PRKRA: variants seen among roughly 807,000 people sequenced by gnomAD.
PRKRA encodes interferon-inducible double-stranded RNA-dependent protein kinase activator A.
PRKRA carries 22 observed loss-of-function variants against 32.4 expected under a neutral mutation model. The ratio of observed to expected loss-of-function variants is 0.68; its 90% CI spans 0.49 to 0.97. PRKRA has a LOEUF of 0.97. Among genes scored for constraint, PRKRA ranks in the 50% least tolerant of loss-of-function variants. The probability of loss-of-function intolerance (pLI) is 0.00; values close to 1 mark genes in which losing one functional copy is unlikely to be tolerated. For missense variants in PRKRA, 319 were observed against 375.6 expected (o/e 0.85, Z 1.25); for synonymous variants, 139 against 129.8 (o/e 1.07, Z -0.48).
intron 1 of PRKRA, 29 bp downstream of exon 1, chr2:178,450,937 C>T (rs1697599380): frequency 2.6e-6 from 4 of 1,553,224 alleles, no homozygotes; most frequent in East Asian, 4.8e-5. Context: ...CGCTCCCGGC[C>T]CTGGGGCCCT....
intron 1 of PRKRA, chr2:178,450,741 A>C (rs937960571): frequency 7.4e-7 from 1 of 1,352,934 alleles, no homozygotes; most frequent in South Asian, 2.0e-5. Context: ...ACCGAGCGTC[A>C]CCTCCGCCCG....
chr2:178,450,532 A>G, intron 1 of PRKRA, 121 bp from the exon 2 acceptor site: 1 of 1,580,576 alleles, frequency 6.3e-7, no homozygotes, highest in Non-Finnish European at 8.6e-7. Context: ...CCCGGAGGCC[A>G]GGGCCAGAGC....
At chr2:178,441,297 GAATGAACA>G (rs966692595) in intron 6 of PRKRA, among the ~76,000 whole-genome samples, 1 of 145,446 alleles carries the variant, frequency 6.9e-6, no homozygotes, top group African/African-American at 2.5e-5. Context: ...CTAAGTGAAT[GAATGAACA>G]AACAAAGGGA....
At position 178,431,481 on chromosome 2, in the gene PRKRA, G is replaced by C. The variant is rs1696646674; in HGVS notation, c.*616C>G. 2 of 153,674 alleles carry C rather than the reference G, an allele frequency of 1.3e-5. No individual in the cohort carries two copies. The highest frequency in any genetic ancestry group is 2.9e-5 in the Non-Finnish European group (2 of 68,968). The allele number at this position is 153,674 out of a possible 1,614,324, so 9.5% of individuals were successfully genotyped here. On this transcript the variant is annotated 3_prime_UTR_variant, in exon 8 of 8. Transcript: ENST00000325748. Reference sequence around the variant, plus strand: ...CCTTTGAATTTCAAAGTAAATTAGAGATATGTAAATAACAGAATTATCAAC... The same window carrying C: ...CCTTTGAATTTCAAAGTAAATTAGACATATGTAAATAACAGAATTATCAAC...
chr2:178,431,963 A>G lies in PRKRA; in HGVS notation c.*134T>C, dbSNP rs1410925074. ...ATAACAACTATGAGGAGATAATTAA[A>G]TCTGGAGTGTTGATGGAATCTATGA... On this transcript the variant is annotated 3_prime_UTR_variant, in exon 8 of 8. Coordinates refer to ENST00000325748, the MANE Select transcript of PRKRA (RefSeq NM_003690.5). 2.8e-6 allele frequency: 3 copies of G among 1,068,754 alleles called. No homozygotes were observed. Among genetic ancestry groups the G allele is most frequent in the Non-Finnish European group, 4.1e-6 (3 of 723,252 alleles). 66.2% of individuals were successfully genotyped at this position (1,068,754 alleles called of 1,614,324 possible).
chr2:178,437,013 C>T (rs80196995), intron 6 of PRKRA, among the ~76,000 whole-genome samples: 4 of 152,080 alleles, frequency 2.6e-5, no homozygotes, highest in East Asian at 3.9e-4. Flanking sequence ...TCTCAAATTG[C>T]TTTCATATGC....
In PRKRA at chr2:178,436,289, T is replaced by A. The variant is rs767272466; in HGVS notation, c.640A>T (p.Thr214Ser). 3 of 1,613,816 alleles carry A rather than the reference T, an allele frequency of 1.9e-6. No individual in the cohort carries two copies. Among genetic ancestry groups the A allele is most frequent in the Non-Finnish European group, 2.5e-6 (3 of 1,179,912 alleles). ...TNVVGHSLGC[T>S]WHSLRNSPGE... ...GGAGAATTCCTCAAGGAATGCCAAG[T>A]ACATCCTAAAGAATGTCCTACTACA... The change falls in exon 7 of 8, where the codon ACT (threonine) becomes TCT (serine). Residue 214 changes from threonine (T) to serine (S), a missense_variant. Physicochemically the swap from Thr to Ser is moderately conservative, Grantham distance 58 (BLOSUM62 1). Transcript: ENST00000325748.
At chr2:178,439,000 G>C (rs1440573333) in intron 6 of PRKRA, 1 of 152,164 alleles carries the variant, frequency 6.6e-6, no homozygotes, top group Non-Finnish European at 1.5e-5. Flanking sequence ...GGTAGGTTTT[G>C]AGTGAGACCA....
At position 178,443,386 on chromosome 2, in the gene PRKRA, T is replaced by G; in HGVS notation, c.397-2A>C. 1 of 1,580,834 alleles carries G rather than the reference T, an allele frequency of 6.3e-7. No homozygotes were observed. The highest frequency in any genetic ancestry group is 8.7e-7 in the Non-Finnish European group (1 of 1,149,992). On this transcript the variant is annotated splice_acceptor_variant, in intron 4 of 7. Coordinates refer to ENST00000325748, the MANE Select transcript of PRKRA (RefSeq NM_003690.5). LOFTEE classifies it high-confidence loss of function. ...CCAGCCATGATGAATAGCCAATTCC[T>G]ATAAAATCAAGATGAGGCTTTAATA...
At chr2:178,433,625 G>C (rs1696759959) in intron 7 of PRKRA, 1 of 152,108 alleles carries the variant, frequency 6.6e-6, no homozygotes, top group Non-Finnish European at 1.5e-5. Context: ...ATCTTTTCAT[G>C]TATTTTTTGG....
intron 4 of PRKRA, 127 bp downstream of exon 4, chr2:178,444,295 G>T: frequency 1.3e-6 from 1 of 793,390 alleles, no homozygotes; most frequent in Non-Finnish European, 2.1e-6. Context: ...TTAATCTAAT[G>T]ATCGTAAGTT....
In PRKRA at chr2:178,431,878, G is replaced by T; in HGVS notation, c.*219C>A. 1 of 606,604 alleles carries T rather than the reference G, an allele frequency of 1.6e-6. No homozygotes were observed. The highest frequency in any genetic ancestry group is 2.8e-6 in the Non-Finnish European group (1 of 351,196). 37.6% of individuals were successfully genotyped at this position (606,604 alleles called of 1,614,324 possible). A position where few individuals can be genotyped will look rare whatever the true frequency, so the allele number is the denominator to read the frequency against. ...AAATGGGTGCTACACTCTCTCTTGTGGTACAAAGTTTATAAATACAGTATA... is the reference window on the plus strand; with the variant it reads ...AAATGGGTGCTACACTCTCTCTTGTTGTACAAAGTTTATAAATACAGTATA... On this transcript the variant is annotated 3_prime_UTR_variant, in exon 8 of 8. Coordinates refer to ENST00000325748, the MANE Select transcript of PRKRA (RefSeq NM_003690.5).
intron 2 of PRKRA, 66 bp from the exon 3 acceptor site, chr2:178,447,652 T>TTCAATACACAAAACA: frequency 7.8e-7 from 1 of 1,276,076 alleles, no homozygotes. Flanking sequence ...CAAAGATGTT[T>TTCAATACACAAAACA]TCAATACACA....
intron 3 of PRKRA, 145 bp downstream of exon 3, chr2:178,447,360 G>T: frequency 7.1e-7 from 1 of 1,400,424 alleles, no homozygotes; most frequent in Non-Finnish European, 9.7e-7. Context: ...TTTAATGGAT[G>T]ATAAGTTTTC....
rs1485781208 is a variant in PRKRA, at chr2:178,447,536, T to C, written c.286A>G (p.Ile96Val). 50 of 1,614,048 alleles carry C rather than the reference T, an allele frequency of 3.1e-5. No individual in the cohort carries two copies. The highest frequency in any genetic ancestry group is 4.1e-5 in the Non-Finnish European group (48 of 1,179,994). ...LAKHRAAEAAINILKANASIC... is the reference protein window; with the variant it reads ...LAKHRAAEAAVNILKANASIC... ...CTTGCATTGGCTTTCAAAATGTTTA[T>C]GGCAGCCTCTGCAGCTCTATGTTTC... The change falls in exon 3 of 8, where the codon ATA (isoleucine) becomes GTA (valine). Residue 96 changes from isoleucine to valine, a missense_variant. Physicochemically the swap from Ile to Val is conservative, Grantham distance 29. Transcript: ENST00000325748.
chr2:178,447,869 A>G (rs1697382571), intron 2 of PRKRA, among the ~76,000 whole-genome samples: 1 of 152,224 alleles, frequency 6.6e-6, no homozygotes, highest in Admixed American at 6.5e-5. Flanking sequence ...TTATTTCTAC[A>G]TTATATATGT....
At chr2:178,450,558 G>T (rs930764800) in intron 1 of PRKRA, 147 bp from the exon 2 acceptor site, 38 of 1,533,562 alleles carry the variant, frequency 2.5e-5, no homozygotes, top group Non-Finnish European at 3.3e-5. Context: ...AGGCTGGGGC[G>T]CACCTGTCTT....
intron 3 of PRKRA, among the ~76,000 whole-genome samples, chr2:178,444,766 T>A (rs1198017389): frequency 6.6e-6 from 1 of 152,196 alleles, no homozygotes; most frequent in Non-Finnish European, 1.5e-5. Flanking sequence ...CATGGTTTAA[T>A]CCTTTCTTGA....
intron 3 of PRKRA, 91 bp downstream of exon 3, chr2:178,447,414 A>C (rs1697362194): frequency 6.2e-7 from 1 of 1,601,630 alleles, no homozygotes; most frequent in African/African-American, 1.3e-5. Context: ...ACAACTGTTC[A>C]CTTTGTTGCT....
Sources: gnomAD v4.1 joint callset for allele counts (sites outside exome capture counted in the v4.1 genomes callset) on GRCh38, gnomAD v4.1.1 for gene constraint, MANE v1.5 for transcripts, NCBI Gene and HGNC (gene_info 2026-07-23, HGNC 2026-07-21) for gene names.